Variants in ELF2 observed in about 807,000 individuals in gnomAD.
The protein encoded by ELF2 is ETS-related transcription factor Elf-2.
In ELF2, 11 loss-of-function variants were observed where a neutral mutation model predicts 54.8. The observed-to-expected ratio is 0.20, with a 90% confidence interval of 0.13 to 0.33. ELF2 has a LOEUF of 0.33. Among genes scored for constraint, ELF2 ranks in the 10% least tolerant of loss-of-function variants. The pLI is 1.00. For missense variants in ELF2, 513 were observed against 703.0 expected, an observed-to-expected ratio of 0.73 and a Z score of 3.06; for synonymous variants, 203 against 245.1, an observed-to-expected ratio of 0.83 and a Z score of 1.61.
chr4:139,072,121 G>A (rs1022386860), intron 5 of ELF2, 82 bp from the exon 6 acceptor site: 40 of 1,373,296 alleles, frequency 2.9e-5, no homozygotes, highest in East Asian at 1.2e-4. Context: ...TAGAAGAGGC[G>A]AGGTGTGTTA....
At chr4:139,150,490 C>T (rs1163860235) in intron 1 of ELF2, among the ~76,000 whole-genome samples, 1 of 150,014 alleles carries the variant, frequency 6.7e-6, no homozygotes, top group Non-Finnish European at 1.5e-5. Flanking sequence ...GTGTAGTCCT[C>T]CCTGGGTGAC....
At chr4:139,129,427 C>T (rs1164274359) in intron 3 of ELF2, among the ~76,000 whole-genome samples, 4 of 152,144 alleles carry the variant, frequency 2.6e-5, no homozygotes. Flanking sequence ...AGTATTTGTC[C>T]TCTACTCTGA....
chr4:139,170,636 A>G (rs571554365), intron 1 of ELF2, among the ~76,000 whole-genome samples: 55 of 147,286 alleles, frequency 3.7e-4, no homozygotes, highest in African/African-American at 1.4e-3. Context: ...TCTACTAAAA[A>G]ACTTACATCC....
chr4:139,100,996 G>C (rs1733828585), intron 4 of ELF2, among the ~76,000 whole-genome samples: 1 of 152,164 alleles, frequency 6.6e-6, no homozygotes, highest in Non-Finnish European at 1.5e-5. Flanking sequence ...GATATACTTT[G>C]GAGGCAAAAT....
chr4:139,121,284 ATT>A (rs1179463586), intron 4 of ELF2, among the ~76,000 whole-genome samples: 1 of 150,080 alleles, frequency 6.7e-6, no homozygotes, highest in Non-Finnish European at 1.5e-5. Context: ...AATTTTTTGT[ATT>A]TTTAGTAGAG....
chr4:139,132,889 T>C (rs1192280752), intron 3 of ELF2, among the ~76,000 whole-genome samples: 1 of 146,500 alleles, frequency 6.8e-6, no homozygotes, highest in Non-Finnish European at 1.5e-5. Context: ...ATGTAATTTT[T>C]TTTTTTGGTG....
intron 7 of ELF2, chr4:139,066,209 A>C (rs1458656411): frequency 6.6e-6 from 1 of 151,896 alleles, no homozygotes; most frequent in African/African-American, 2.4e-5. Context: ...TGGTCTGAAA[A>C]CACTTATTCA....
intron 3 of ELF2, among the ~76,000 whole-genome samples, chr4:139,134,544 A>G (rs1737894398): frequency 6.7e-6 from 1 of 149,370 alleles, no homozygotes; most frequent in South Asian, 2.1e-4. Flanking sequence ...ATTGTATTGT[A>G]TTGTATTGTT....
chr4:139,059,405 T>C lies in ELF2; in HGVS notation c.1360A>G (p.Met454Val), dbSNP rs765886805. Residue 454 changes from methionine to valine, a missense_variant, in exon 10 of 10, where the codon ATG (methionine) becomes GTG (valine). Around this residue, in one of 3 missense-constraint regions of ELF2, gnomAD observed 291 missense variants for 366.1 expected, o/e 0.79. Coordinates refer to ENST00000686138, the MANE Select transcript of ELF2 (RefSeq NM_001331036.3). Reference sequence around the variant, plus strand: ...ATGGTAATAATTTTGGCAGGCTGCATGGTGATTTTGTCTCCATTTTCAGTA... The same window carrying C: ...ATGGTAATAATTTTGGCAGGCTGCACGGTGATTTTGTCTCCATTTTCAGTA... Reference protein sequence around the residue: ...ASTENGDKITMQPAKIITIPA... With the variant: ...ASTENGDKITVQPAKIITIPA... 1.2e-5 allele frequency: 19 copies of C among 1,613,974 alleles called. No individual in the cohort carries two copies. Among genetic ancestry groups the C allele is most frequent in the Non-Finnish European group, 1.6e-5 (19 of 1,179,858 alleles).
chr4:139,073,553 G>C lies in ELF2; in HGVS notation c.253C>G (p.His85Asp). The change falls in exon 5 of 10, where the codon CAC becomes GAC. Residue 85 changes from histidine to aspartate, a missense_variant. This residue lies in a region of ELF2 where 203 missense variants were observed against 245.9 expected (regional missense o/e 0.83). Coordinates refer to ENST00000686138, the MANE Select transcript of ELF2 (RefSeq NM_001331036.3). ...ENVETVEASV[H>D]SSNAHCTDKT... is the part of the protein sequence containing the mutation. ...TCTGTACAGTGTGCATTACTGCTGT[G>C]AACTGATGCTTCCACTGGAGGAAAA... The C allele has an allele frequency of 6.5e-7, 1 of 1,543,994 alleles. No homozygotes were observed.
chr4:139,162,026 G>A (rs546877173), intron 1 of ELF2, among the ~76,000 whole-genome samples: 2 of 152,216 alleles, frequency 1.3e-5, no homozygotes, highest in East Asian at 1.9e-4. Flanking sequence ...CCCGGGAGGC[G>A]GAGGTTGCAG....
intron 5 of ELF2, among the ~76,000 whole-genome samples, chr4:139,072,746 A>G (rs1451509975): frequency 6.6e-6 from 1 of 152,208 alleles, no homozygotes; most frequent in Non-Finnish European, 1.5e-5. Context: ...CAATTAATAC[A>G]TACTATCTTA....
chr4:139,123,908 C>T (rs1736643420), intron 4 of ELF2, among the ~76,000 whole-genome samples: 1 of 152,190 alleles, frequency 6.6e-6, no homozygotes, highest in African/African-American at 2.4e-5. Context: ...GAAAATTCAA[C>T]TCTGCCACTA....
rs530991164 is a variant in ELF2 at position 139,104,131 on chromosome 4, AAAC to A, written c.238+21030_238+21032del. On this transcript the variant is annotated intron_variant, in intron 4 of 9. Coordinates refer to ENST00000686138, the MANE Select transcript of ELF2 (RefSeq NM_001331036.3). The stretch of plus-strand genomic sequence containing the variant: ...ACTTCTTTCATTTAAAAACAAAAAC[AAAC>A]AACAACAAAAAACTGTTATTCTAAT... 1.9e-4 allele frequency among the ~76,000 whole-genome samples: 29 copies of A among 152,330 alleles called. No individual in the cohort carries two copies. The South Asian group carries it at 4.4e-3, about 23-fold the overall frequency.
At chr4:139,142,289 A>C (rs1287455759) in intron 1 of ELF2, among the ~76,000 whole-genome samples, 1 of 152,222 alleles carries the variant, frequency 6.6e-6, no homozygotes, top group Non-Finnish European at 1.5e-5. Flanking sequence ...AATGCCTGGC[A>C]CAAGAGCCTT....
intron 3 of ELF2, 108 bp from the exon 4 acceptor site, chr4:139,125,437 C>A: frequency 7.8e-7 from 1 of 1,276,012 alleles, no homozygotes. Context: ...TAATGAGTTT[C>A]AAATATTATA....
At chr4:139,145,693 T>C (rs956323286) in intron 1 of ELF2, among the ~76,000 whole-genome samples, 4 of 152,162 alleles carry the variant, frequency 2.6e-5, no homozygotes, top group Admixed American at 1.3e-4. Flanking sequence ...TAATACACCA[T>C]GATCAAGTGG....
chr4:139,121,287 T>G (rs1267891116), intron 4 of ELF2, among the ~76,000 whole-genome samples: 1 of 150,932 alleles, frequency 6.6e-6, no homozygotes, highest in Non-Finnish European at 1.5e-5. Context: ...TTTTTGTATT[T>G]TTAGTAGAGA....
At chr4:139,071,724 TG>T in intron 6 of ELF2, 141 bp downstream of exon 6, 1 of 790,398 alleles carries the variant, frequency 1.3e-6, no homozygotes, top group Non-Finnish European at 1.9e-6. Flanking sequence ...AAAATCTCAA[TG>T]TTGATTCTTT....
Sources: allele counts gnomAD v4.1 joint callset (sites outside exome capture counted in the v4.1 genomes callset), GRCh38; gene constraint gnomAD v4.1.1; regional missense constraint gnomAD v4.1.1; transcripts MANE v1.5; gene names NCBI Gene and HGNC (gene_info 2026-07-23, HGNC 2026-07-21).